Variants in EZH2 observed in about 807,000 individuals in gnomAD.
EZH2 encodes the protein enhancer of zeste 2 polycomb repressive complex 2 subunit.
In EZH2, 18 loss-of-function variants were observed where a neutral mutation model predicts 98.4. The ratio of observed to expected loss-of-function variants is 0.18; its 90% CI spans 0.13 to 0.27. The LOEUF (loss-of-function observed/expected upper bound fraction) is 0.27. Ranked by LOEUF, EZH2 falls within the 10% of genes least tolerant of loss-of-function variation. EZH2 has a pLI of 1.00. For synonymous variants in EZH2, 338 were observed against 312.3 expected (o/e 1.08, Z -0.87); for missense variants, 470 against 935.1 (o/e 0.50, Z 6.49).
At chr7:148,853,010 C>CT (rs1447188386) in intron 1 of EZH2, among the ~76,000 whole-genome samples, 1 of 152,152 alleles carries the variant, frequency 6.6e-6, no homozygotes, top group African/African-American at 2.4e-5. Flanking sequence ...CAGTCTCCAA[C>CT]TTTTTTGCAC....
chr7:148,836,243 A>C (rs920192281), intron 3 of EZH2, among the ~76,000 whole-genome samples: 1 of 152,222 alleles, frequency 6.6e-6, no homozygotes, highest in Non-Finnish European at 1.5e-5. Flanking sequence ...TTTCTGTTTC[A>C]AGCTAAGAGA....
At chr7:148,878,847 T>C (rs1237735494) in intron 1 of EZH2, among the ~76,000 whole-genome samples, 1 of 149,176 alleles carries the variant, frequency 6.7e-6, no homozygotes, top group South Asian at 2.2e-4. Context: ...TGCAGTGAAC[T>C]GAGATCACGC....
intron 1 of EZH2, among the ~76,000 whole-genome samples, chr7:148,852,345 T>TG (rs1166463136): frequency 4.6e-5 from 7 of 152,206 alleles, no homozygotes; most frequent in Non-Finnish European, 2.9e-5. Flanking sequence ...CTAGAGTAGA[T>TG]GCTATGTTGT....
chr7:148,816,033 G>C (rs113493475), intron 12 of EZH2, among the ~76,000 whole-genome samples: 1,878 of 152,222 alleles, frequency 0.012, 45 homozygotes, highest in African/African-American at 0.043. Flanking sequence ...GTTAAAGTAA[G>C]AAAATGTAAC....
At chr7:148,849,368 C>T (rs1340984289) in intron 1 of EZH2, among the ~76,000 whole-genome samples, 1 of 152,078 alleles carries the variant, frequency 6.6e-6, no homozygotes, top group Non-Finnish European at 1.5e-5. Flanking sequence ...CAGGGGGCAA[C>T]TAAAGTCTGG....
chr7:148,815,749 C>T (rs761908468), intron 12 of EZH2, among the ~76,000 whole-genome samples: 2 of 152,202 alleles, frequency 1.3e-5, no homozygotes, highest in Admixed American at 1.3e-4. Context: ...TGTGGCAAGA[C>T]GTCATTTCCT....
At chr7:148,832,541 C>T (rs997380969) in intron 4 of EZH2, 93 bp downstream of exon 4, 62 of 705,596 alleles carry the variant, frequency 8.8e-5, no homozygotes, top group African/African-American at 1.8e-5. Context: ...AGAATTTATA[C>T]TGTCTTGATT....
intron 3 of EZH2, among the ~76,000 whole-genome samples, chr7:148,838,178 C>G (rs1020094801): frequency 3.4e-5 from 5 of 145,682 alleles, no homozygotes; most frequent in Admixed American, 7.2e-5. Context: ...AAATGATTAT[C>G]TCACCTCAGC....
At chr7:148,828,177 T>TGA (rs1450692930) in intron 6 of EZH2, among the ~76,000 whole-genome samples, 1 of 152,150 alleles carries the variant, frequency 6.6e-6, no homozygotes, top group Admixed American at 6.5e-5. Context: ...GAGGATTAAG[T>TGA]GAGCTGGTGC....
intron 1 of EZH2, among the ~76,000 whole-genome samples, chr7:148,850,264 C>T (rs1353661983): frequency 6.6e-6 from 1 of 152,058 alleles, no homozygotes; most frequent in South Asian, 2.1e-4. Context: ...GTGATCCACC[C>T]GCCTCAGCCT....
chr7:148,863,816 G>C (rs1028660908), intron 1 of EZH2, among the ~76,000 whole-genome samples: 5 of 152,202 alleles, frequency 3.3e-5, no homozygotes, highest in Non-Finnish European at 5.9e-5. Context: ...GTATTATCAA[G>C]CAGTCAATAA....
intron 1 of EZH2, among the ~76,000 whole-genome samples, chr7:148,852,689 A>G (rs929783804): frequency 4.6e-5 from 7 of 152,230 alleles, no homozygotes; most frequent in Admixed American, 2.6e-4. Context: ...CAACTACAAA[A>G]AACAAAAGTC....
In EZH2 at chr7:148,809,542, C is replaced by T. The variant is rs370268453; in HGVS notation, c.2030-152G>A. On this transcript the variant is annotated intron_variant, in intron 17 of 19. Coordinates refer to ENST00000320356, the MANE Select transcript of EZH2 (RefSeq NM_004456.5). ...AGCAGCTTCATTCAGTAAGAAATGACATTTGGAAGAACACACTATTGTTCC... is the reference window on the plus strand; with the variant it reads ...AGCAGCTTCATTCAGTAAGAAATGATATTTGGAAGAACACACTATTGTTCC... 5.1e-5 allele frequency: 29 copies of T among 567,942 alleles called. No homozygotes were observed. In the East Asian group the frequency reaches 5.9e-4, roughly 11 times the overall value. The allele number at this position is 567,942 out of a possible 1,614,324, so 35.2% of individuals were successfully genotyped here.
At chr7:148,854,964 T>A (rs1279681650) in intron 1 of EZH2, among the ~76,000 whole-genome samples, 2 of 152,204 alleles carry the variant, frequency 1.3e-5, no homozygotes, top group Non-Finnish European at 2.9e-5. Flanking sequence ...GTGATAAAAA[T>A]TAATTACTTA....
intron 3 of EZH2, among the ~76,000 whole-genome samples, chr7:148,837,388 G>C (rs1410477219): frequency 6.6e-6 from 1 of 152,188 alleles, no homozygotes; most frequent in East Asian, 1.9e-4. Context: ...AGGAAAGGAA[G>C]AGTCAGAAGA....
rs765980265 is a variant in EZH2, at chr7:148,846,475, T to C, written c.241A>G (p.Arg81Gly). The change falls in exon 3 of 20, where the codon AGG becomes GGG. Residue 81 changes from arginine (R) to glycine (G), a missense_variant. Physicochemically the swap from Arg to Gly is moderately radical, Grantham distance 125. This residue lies in a region of EZH2 where 79 missense variants were observed against 122.1 expected (regional missense o/e 0.65). Transcript: ENST00000320356. ...LTSVSSLRGT[R>G]ECSVTSDLDF... ...AACATGTTATGTTAACCAACCTCCC[T>C]AGTCCCGCGCAATGAGCTCACAGAA... 2 of 1,613,250 alleles carry C rather than the reference T, an allele frequency of 1.2e-6. No individual in the cohort carries two copies. Among genetic ancestry groups the C allele is most frequent in the Admixed American group, 1.7e-5 (1 of 59,914 alleles).
chr7:148,847,340 C>G, intron 1 of EZH2, 35 bp from the exon 2 acceptor site: 2 of 1,609,590 alleles, frequency 1.2e-6, no homozygotes, highest in Non-Finnish European at 1.7e-6. Flanking sequence ...AATCACTAAT[C>G]TAACCAGCCT....
intron 16 of EZH2, 58 bp from the exon 17 acceptor site, chr7:148,810,472 AAC>A: frequency 8.1e-7 from 1 of 1,231,254 alleles, no homozygotes; most frequent in Non-Finnish European, 1.2e-6. Context: ...AGCCTGACAG[AAC>A]ACACAAAAGC....
intron 13 of EZH2, 25 bp from the exon 14 acceptor site, chr7:148,815,064 G>A (rs1451110863): frequency 1.2e-6 from 2 of 1,609,688 alleles, no homozygotes; most frequent in South Asian, 1.1e-5. Flanking sequence ...CATCATGCAG[G>A]CCAATGAATC....
Sources: gnomAD v4.1 joint callset for allele counts (sites outside exome capture counted in the v4.1 genomes callset) on GRCh38, gnomAD v4.1.1 for gene constraint, gnomAD v4.1.1 regional missense constraint, MANE v1.5 for transcripts, NCBI Gene and HGNC (gene_info 2026-07-23, HGNC 2026-07-21) for gene names.